The following GNG7 variants were observed in gnomAD, a reference collection of about 807,000 sequenced individuals.
The protein encoded by GNG7 is guanine nucleotide-binding protein G(I)/G(S)/G(O) subunit gamma-7.
A neutral mutation model predicts 4.0 loss-of-function variants in GNG7; 1 was observed. The ratio of observed to expected loss-of-function variants is 0.25; its 90% CI spans 0.09 to 1.18. The LOEUF is 1.18. Ranked by LOEUF, GNG7 falls within the 50% of genes most tolerant of loss-of-function variation. The pLI, the probability that GNG7 is intolerant of heterozygous loss-of-function variation, is 0.50. For synonymous variants in GNG7, 34 were observed against 36.9 expected (o/e 0.92, Z 0.29); for missense variants, 86 against 91.9 (o/e 0.94, Z 0.26).
At chr19:2,659,016 C>G (rs1210303970) in intron 1 of GNG7, among the ~76,000 whole-genome samples, 1 of 150,866 alleles carries the variant, frequency 6.6e-6, no homozygotes, top group South Asian at 2.1e-4. Context: ...GTCACCCAGG[C>G]TGGAGGGCAG....
intron 1 of GNG7, among the ~76,000 whole-genome samples, chr19:2,666,089 C>A (rs1983303376): frequency 6.6e-6 from 1 of 152,192 alleles, no homozygotes; most frequent in South Asian, 2.1e-4. Flanking sequence ...TGGTCTCGAA[C>A]TCCTGACCTC....
At chr19:2,589,794 C>T (rs1006037838) in intron 2 of GNG7, among the ~76,000 whole-genome samples, 2 of 152,172 alleles carry the variant, frequency 1.3e-5, no homozygotes, top group Non-Finnish European at 2.9e-5. Flanking sequence ...CAAAAGGCCA[C>T]ACAGTGTGTG....
At chr19:2,582,699 C>T (rs369709494) in intron 2 of GNG7, among the ~76,000 whole-genome samples, 5 of 129,666 alleles carry the variant, frequency 3.9e-5, no homozygotes, top group Admixed American at 9.3e-5. Flanking sequence ...GACAGAGTCT[C>T]GCTCTGTCAC....
intron 1 of GNG7, among the ~76,000 whole-genome samples, chr19:2,693,108 T>C (rs1599465189): frequency 6.6e-6 from 1 of 151,160 alleles, no homozygotes; most frequent in East Asian, 2.0e-4. Context: ...CTGGGCAACA[T>C]AGTGAGACTC....
rs1426364861 is a variant in GNG7 at position 2,546,246 on chromosome 19, C to A, written c.-38+8903G>T. Among the ~76,000 whole-genome samples the A allele has an allele frequency of 6.6e-6, 1 of 152,238 alleles. No individual in the cohort carries two copies. The highest frequency in any genetic ancestry group is 1.5e-5 in the Non-Finnish European group (1 of 68,044). Reference sequence around the variant, plus strand: ...CCCGCTCCACAGAACCCCAGGGCCCCCTCAGCAACCAGGGTCTGCATGCAG... The same window carrying A: ...CCCGCTCCACAGAACCCCAGGGCCCACTCAGCAACCAGGGTCTGCATGCAG... On this transcript the variant is annotated intron_variant, in intron 3 of 4. Transcript: ENST00000382159. The surrounding 1 kb of genome is among the most constrained non-coding windows in gnomAD (Gnocchi z 6.3).
chr19:2,593,804 A>T (rs1248129199), intron 2 of GNG7, among the ~76,000 whole-genome samples: 1 of 147,762 alleles, frequency 6.8e-6, no homozygotes, highest in Non-Finnish European at 1.5e-5. Context: ...TTTTTTAAAC[A>T]ATCCTTGGAG....
chr19:2,651,871 C>A (rs1982840411), intron 1 of GNG7, among the ~76,000 whole-genome samples: 1 of 150,782 alleles, frequency 6.6e-6, no homozygotes, highest in Non-Finnish European at 1.5e-5. Context: ...TGACCAATTT[C>A]TTTCTTTAAA....
At chr19:2,615,464 T>G (rs1208865690) in intron 2 of GNG7, among the ~76,000 whole-genome samples, 3 of 134,342 alleles carry the variant, frequency 2.2e-5, no homozygotes, top group Admixed American at 1.5e-4. Context: ...GTTTTTTTTT[T>G]TTTTTTTTTT....
At chr19:2,681,329 G>A (rs1000684534) in intron 1 of GNG7, among the ~76,000 whole-genome samples, 6 of 151,840 alleles carry the variant, frequency 4.0e-5, no homozygotes, top group Admixed American at 1.3e-4. Context: ...GACTACAGGC[G>A]CCCGCCACCA....
chr19:2,644,131 C>T (rs980522145), intron 2 of GNG7, among the ~76,000 whole-genome samples: 3 of 151,784 alleles, frequency 2.0e-5, no homozygotes, highest in Non-Finnish European at 4.4e-5. Context: ...AGCAATCCTC[C>T]CACCTCAGCC....
intron 3 of GNG7, among the ~76,000 whole-genome samples, chr19:2,554,705 C>A (rs1019731404): frequency 6.6e-6 from 1 of 151,846 alleles, no homozygotes; most frequent in African/African-American, 2.4e-5. Flanking sequence ...CAGGCACCTG[C>A]CACCATGCCC....
chr19:2,574,950 C>G (rs191059763), intron 2 of GNG7, among the ~76,000 whole-genome samples: 4 of 152,328 alleles, frequency 2.6e-5, no homozygotes, highest in African/African-American at 7.2e-5. Flanking sequence ...CTGGCAGGCC[C>G]TGTGAAAGGC....
chr19:2,626,688 G>A lies in GNG7; in HGVS notation c.-78+19536C>T, dbSNP rs1195175166. ...TTGTCTTCATCGGTTCACTCAATCA[G>A]GGTCTCAACTGGGGTAATTCTGTCC... is the stretch of plus-strand genomic sequence containing the variant. On this transcript the variant is annotated intron_variant, in intron 2 of 4. Coordinates refer to ENST00000382159, the MANE Select transcript of GNG7 (RefSeq NM_052847.3). The surrounding 1 kb of genome is among the most constrained non-coding windows in gnomAD (Gnocchi z 5.0). Among the ~76,000 whole-genome samples, 1 of 152,178 alleles carries A rather than the reference G, an allele frequency of 6.6e-6. No homozygotes were observed. Among genetic ancestry groups the A allele is most frequent in the African/African-American group, 2.4e-5 (1 of 41,430 alleles).
At chr19:2,573,794 G>T (rs1359161174) in intron 2 of GNG7, among the ~76,000 whole-genome samples, 1 of 152,192 alleles carries the variant, frequency 6.6e-6, no homozygotes, top group Non-Finnish European at 1.5e-5. Context: ...AGTGAGCCGA[G>T]ATCACGCCAC....
chr19:2,618,285 C>T lies in GNG7; in HGVS notation c.-78+27939G>A, dbSNP rs1247063182. On this transcript the variant is annotated intron_variant, in intron 2 of 4. Transcript: ENST00000382159. This position sits in a 1 kb window ranked among gnomAD's most constrained non-coding sequence, Gnocchi z 5.1. ...ACTGAGGACACAGATTACTCCTCACCCATGCCCCTTGCAAAGCTCTCAGCC... is the reference window on the plus strand; with the variant it reads ...ACTGAGGACACAGATTACTCCTCACTCATGCCCCTTGCAAAGCTCTCAGCC... Among the ~76,000 whole-genome samples the T allele has an allele frequency of 1.3e-5, 2 of 152,126 alleles. No individual in the cohort carries two copies. Among genetic ancestry groups the T allele is most frequent in the Non-Finnish European group, 2.9e-5 (2 of 68,014 alleles).
intron 1 of GNG7, among the ~76,000 whole-genome samples, chr19:2,647,197 G>C (rs1324402794): frequency 6.6e-6 from 1 of 152,192 alleles, no homozygotes; most frequent in East Asian, 1.9e-4. Flanking sequence ...CCTCCCTCTG[G>C]AGCCTGGAAT....
At chr19:2,676,807 G>C (rs561194030) in intron 1 of GNG7, among the ~76,000 whole-genome samples, 6 of 144,750 alleles carry the variant, frequency 4.1e-5, no homozygotes, top group African/African-American at 1.6e-4. Context: ...TGGAGGAGTT[G>C]GGTGTAATTT....
chr19:2,600,626 A>G (rs1452481739), intron 2 of GNG7, among the ~76,000 whole-genome samples: 1 of 151,592 alleles, frequency 6.6e-6, no homozygotes, highest in Admixed American at 6.6e-5. Flanking sequence ...CGCCACCACC[A>G]CACCTGGCTA....
At chr19:2,527,123 C>T (rs1277442727) in intron 3 of GNG7, among the ~76,000 whole-genome samples, 1 of 152,198 alleles carries the variant, frequency 6.6e-6, no homozygotes, top group Admixed American at 6.5e-5. Context: ...GGATTACAGG[C>T]GTGAGCCACT....
Sources: allele counts gnomAD v4.1 joint callset (sites outside exome capture counted in the v4.1 genomes callset), GRCh38; gene constraint gnomAD v4.1.1; non-coding constraint Gnocchi (gnomAD v3.1); transcripts MANE v1.5; gene names NCBI Gene and HGNC (gene_info 2026-07-23, HGNC 2026-07-21).